RIMBP2: variants seen among roughly 807,000 people sequenced by gnomAD.
The protein encoded by RIMBP2 is RIMS-binding protein 2.
RIMBP2 carries 48 observed loss-of-function variants against 118.6 expected under a neutral mutation model. That is an observed-to-expected ratio of 0.40 (90% CI 0.32 to 0.51). The LOEUF is 0.51. Among genes scored for constraint, RIMBP2 ranks in the 20% least tolerant of loss-of-function variants. RIMBP2 has a pLI of 0.41. For synonymous variants in RIMBP2, 762 were observed against 742.9 expected (o/e 1.03, Z -0.42); for missense variants, 1,551 against 1,768.3 (o/e 0.88, Z 2.20).
At chr12:130,494,501 T>A (rs550152052) in intron 4 of RIMBP2, among the ~76,000 whole-genome samples, 1 of 152,174 alleles carries the variant, frequency 6.6e-6, no homozygotes, top group Admixed American at 6.5e-5. Flanking sequence ...TAGCCAGGCA[T>A]GGTGGCAGGC....
chr12:130,461,299 C>A (rs1039966602), intron 6 of RIMBP2, among the ~76,000 whole-genome samples: 1 of 152,178 alleles, frequency 6.6e-6, no homozygotes, highest in East Asian at 1.9e-4. Flanking sequence ...AGCAAATCAC[C>A]GTGTGGACAC....
At chr12:130,399,255 T>G in intron 22 of RIMBP2, 4 of 632,652 alleles carry the variant, frequency 6.3e-6, no homozygotes, top group Non-Finnish European at 9.1e-6. Flanking sequence ...AAAAATGAGA[T>G]ACTAAACATG....
intron 2 of RIMBP2, among the ~76,000 whole-genome samples, chr12:130,559,659 T>G (rs1017721829): frequency 2.0e-5 from 3 of 152,208 alleles, no homozygotes; most frequent in African/African-American, 7.2e-5. Context: ...GGGCTGGGAC[T>G]GCGTGCAGGG....
At chr12:130,460,247 T>C (rs1458405548) in intron 6 of RIMBP2, among the ~76,000 whole-genome samples, 2 of 152,086 alleles carry the variant, frequency 1.3e-5, no homozygotes, top group Non-Finnish European at 2.9e-5. Context: ...GAGTCTGTGC[T>C]CCAGGCCCCA....
At chr12:130,474,731 C>A (rs2081290509) in intron 5 of RIMBP2, among the ~76,000 whole-genome samples, 1 of 152,210 alleles carries the variant, frequency 6.6e-6, no homozygotes, top group Admixed American at 6.5e-5. Context: ...GAAGCAGCTG[C>A]AGCATGGGGA....
intron 10 of RIMBP2, 28 bp downstream of exon 10, chr12:130,445,132 T>C (rs760103723): frequency 6.7e-7 from 1 of 1,496,306 alleles, no homozygotes; most frequent in Non-Finnish European, 9.1e-7. Flanking sequence ...CCAGCCTACG[T>C]CCGCCACAGC....
intron 1 of RIMBP2, among the ~76,000 whole-genome samples, chr12:130,631,608 C>A (rs376226963): frequency 5.7e-4 from 87 of 152,074 alleles, no homozygotes; most frequent in African/African-American, 1.9e-3. Context: ...CCGCTCAAAG[C>A]CCTTTGAGAA....
intron 19 of RIMBP2, among the ~76,000 whole-genome samples, chr12:130,410,578 G>A (rs2075634416): frequency 6.6e-6 from 1 of 152,074 alleles, no homozygotes; most frequent in Non-Finnish European, 1.5e-5. Context: ...TTGGCATATG[G>A]ATGTGCAGTA....
chr12:130,435,764 C>A (rs949564259), intron 13 of RIMBP2, among the ~76,000 whole-genome samples: 1 of 152,250 alleles, frequency 6.6e-6, no homozygotes, highest in Admixed American at 6.5e-5. Flanking sequence ...CAGAAAATTT[C>A]CAGTTTTTCA....
intron 12 of RIMBP2, 30 bp downstream of exon 12, chr12:130,438,335 A>AACCCCCCCCCCCC: frequency 3.5e-6 from 3 of 865,002 alleles, no homozygotes; most frequent in Admixed American, 1.8e-5. Flanking sequence ...GGCCTAACAA[A>AACCCCCCCCCCCC]CCCTCCCCAC....
intron 2 of RIMBP2, among the ~76,000 whole-genome samples, chr12:130,583,351 T>C (rs149120675): frequency 4.0e-4 from 61 of 152,212 alleles, no homozygotes; most frequent in African/African-American, 1.4e-3. Flanking sequence ...ATAAACACTT[T>C]GTAGGTGCTA....
At chr12:130,642,336 G>C (rs763268823) in intron 1 of RIMBP2, among the ~76,000 whole-genome samples, 12 of 152,072 alleles carry the variant, frequency 7.9e-5, no homozygotes, top group Non-Finnish European at 1.5e-4. Context: ...CCAGGCTAGA[G>C]TGCAATGGCG....
intron 2 of RIMBP2, among the ~76,000 whole-genome samples, chr12:130,535,472 C>T (rs1443748157): frequency 6.6e-6 from 1 of 151,974 alleles, no homozygotes; most frequent in Non-Finnish European, 1.5e-5. Flanking sequence ...CAAGATCATG[C>T]CTCTGCACTT....
At chr12:130,466,453 C>A (rs1417212741) in intron 6 of RIMBP2, 2 of 152,210 alleles carry the variant, frequency 1.3e-5, no homozygotes, top group Non-Finnish European at 2.9e-5. Flanking sequence ...CCACCAAAAC[C>A]TCCTGGCCAT....
chr12:130,662,886 G>T (rs1016681750), intron 1 of RIMBP2, among the ~76,000 whole-genome samples: 1 of 152,128 alleles, frequency 6.6e-6, no homozygotes, highest in African/African-American at 2.4e-5. Flanking sequence ...AGCCCAGAAG[G>T]TTGGAGCTTC....
chr12:130,502,405 T>G (rs11060961), intron 4 of RIMBP2, among the ~76,000 whole-genome samples: 11,575 of 152,148 alleles, frequency 0.076, 560 homozygotes, highest in East Asian at 0.17. Context: ...TTATTCCCAA[T>G]CCGGGTTTCA....
chr12:130,516,093 G>T (rs1229255944), intron 3 of RIMBP2, among the ~76,000 whole-genome samples: 1 of 152,034 alleles, frequency 6.6e-6, no homozygotes, highest in Non-Finnish European at 1.5e-5. Context: ...TTCTATAGTG[G>T]TTGCACCATT....
intron 2 of RIMBP2, among the ~76,000 whole-genome samples, chr12:130,573,435 TGTGCGTGGGTGC>T (rs1436715597): frequency 1.3e-5 from 2 of 151,790 alleles, no homozygotes; most frequent in Admixed American, 6.6e-5. Flanking sequence ...TGCGTGGGTG[TGTGCGTGGGTGC>T]GTGCGTGGGT....
intron 5 of RIMBP2, among the ~76,000 whole-genome samples, chr12:130,478,329 A>G (rs1226043770): frequency 1.3e-5 from 2 of 152,188 alleles, no homozygotes; most frequent in Non-Finnish European, 2.9e-5. Flanking sequence ...ACATCATGCA[A>G]CAGCCTCAAG....
Sources: gnomAD v4.1 joint callset for allele counts (sites outside exome capture counted in the v4.1 genomes callset) on GRCh38, gnomAD v4.1.1 for gene constraint, MANE v1.5 for transcripts, NCBI Gene and HGNC (gene_info 2026-07-23, HGNC 2026-07-21) for gene names.